The following PCK2 variants were observed in gnomAD, a reference collection of about 807,000 sequenced individuals.
The protein encoded by PCK2 is phosphoenolpyruvate carboxykinase [GTP], mitochondrial.
In PCK2, 56 loss-of-function variants were observed where a neutral mutation model predicts 65.9. That is an observed-to-expected ratio of 0.85 (90% CI 0.69 to 1.06). PCK2 has a LOEUF of 1.06. PCK2 is among the 50% of genes least tolerant of loss of function. The pLI, the probability that PCK2 is intolerant of heterozygous loss-of-function variation, is 0.00. For missense variants in PCK2, 843 were observed against 863.1 expected, an observed-to-expected ratio of 0.98 and a Z score of 0.29; for synonymous variants, 305 against 319.6, an observed-to-expected ratio of 0.95 and a Z score of 0.49.
In PCK2 at chr14:24,103,789, A is replaced by G. The variant is rs780916962; in HGVS notation, c.1748A>G (p.Asp583Gly). ...IGLVPKEGAL[D>G]LSGLRAIDTT... ...CTGGTGCCAAAGGAAGGAGCCTTGG[A>G]TCTCAGCGGCCTCAGAGCTATAGAC... Residue 583 changes from aspartate (D) to glycine (G), a missense_variant, in exon 10 of 10, where the codon GAT (aspartate) becomes GGT (glycine). Physicochemically the swap from Asp to Gly is moderately conservative, Grantham distance 94. Transcript: ENST00000216780. 1.9e-6 allele frequency: 3 copies of G among 1,614,110 alleles called. No individual in the cohort carries two copies. The highest frequency in any genetic ancestry group is 2.5e-6 in the Non-Finnish European group (3 of 1,180,010).
At chr14:24,101,495 G>A (rs1026908838) in intron 7 of PCK2, among the ~76,000 whole-genome samples, 5 of 152,232 alleles carry the variant, frequency 3.3e-5, no homozygotes, top group African/African-American at 1.2e-4. Flanking sequence ...CAGGACACCT[G>A]AAGGTGCCAA....
Position 24,099,102 on chromosome 14 carries a change from G to A in PCK2, c.718G>A (p.Val240Met), listed in dbSNP as rs759802880. Residue 240 changes from valine (V) to methionine (M), a missense_variant, in exon 5 of 10, where the codon GTG (valine) becomes ATG (methionine). Transcript: ENST00000216780. ...CNPEKTLIGHVPDQREIISFG... is the reference protein window; with the variant it reads ...CNPEKTLIGHMPDQREIISFG... Reference sequence around the variant, plus strand: ...CCCAGAGAAAACCCTGATTGGCCACGTGCCCGACCAGCGGGAGATCATCTC... The same window carrying A: ...CCCAGAGAAAACCCTGATTGGCCACATGCCCGACCAGCGGGAGATCATCTC... The A allele has an allele frequency of 3.0e-5, 49 of 1,611,530 alleles. No homozygotes were observed. The highest frequency in any genetic ancestry group is 1.6e-4 in the East Asian group (7 of 44,868).
intron 7 of PCK2, 187 bp from the exon 8 acceptor site, chr14:24,102,566 T>C: frequency 1.7e-6 from 1 of 605,522 alleles, no homozygotes; most frequent in South Asian, 2.2e-5. Flanking sequence ...CGCACCTTCA[T>C]GGCTAAACAA....
rs1417770906 is a variant in PCK2, at chr14:24,104,068, T to C, written c.*104T>C. 1.5e-5 allele frequency: 11 copies of C among 743,312 alleles called. No homozygotes were observed. Among genetic ancestry groups the C allele is most frequent in the Non-Finnish European group, 2.3e-5 (10 of 430,720 alleles). 46.0% of individuals were successfully genotyped at this position (743,312 alleles called of 1,614,324 possible). A position where few individuals can be genotyped will look rare whatever the true frequency, so the allele number is the denominator to read the frequency against. ...ATTTGATATTAACTAACATCTTCAATGTGCCATAGACCTTCCCACAAAGAC... is the reference window on the plus strand; with the variant it reads ...ATTTGATATTAACTAACATCTTCAACGTGCCATAGACCTTCCCACAAAGAC... On this transcript the variant is annotated 3_prime_UTR_variant, in exon 10 of 10. Transcript: ENST00000216780.
chr14:24,097,032 C>T lies in PCK2; in HGVS notation c.170C>T (p.Pro57Leu). Residue 57 changes from proline to leucine, a missense_variant, in exon 2 of 10, where the codon CCA (proline) becomes CTA (leucine). Transcript: ENST00000216780. ...GAGCACAGTGCCCGCCTGTGCCAAC[C>T]AGAGGGCATCCACATCTGTGATGGA... ...FVEHSARLCQ[P>L]EGIHICDGTE... 1 of 1,613,470 alleles carries T rather than the reference C, an allele frequency of 6.2e-7. No homozygotes were observed. The highest frequency in any genetic ancestry group is 8.5e-7 in the Non-Finnish European group (1 of 1,179,742).
At position 24,096,934 on chromosome 14, in the gene PCK2, C is replaced by G. The variant is rs2036911197; in HGVS notation, c.72C>G (p.Cys24Trp). The change falls in exon 2 of 10, where the codon TGC becomes TGG. Residue 24 changes from cysteine to tryptophan, a missense_variant. Coordinates refer to ENST00000216780, the MANE Select transcript of PCK2 (RefSeq NM_004563.4). ...HGLSPLGWPS[C>W]RSIQTLRVLS... ...TGAGCCCCTTGGGCTGGCCATCATG[C>G]CGTAGCATCCAGACCCTGCGAGTGC... 1 of 1,613,360 alleles carries G rather than the reference C, an allele frequency of 6.2e-7. No individual in the cohort carries two copies. Among genetic ancestry groups the G allele is most frequent in the Non-Finnish European group, 8.5e-7 (1 of 1,179,576 alleles).
Position 24,103,571 on chromosome 14 carries a change from C to CT in PCK2, c.1531dup (p.Tyr511LeufsTer28). ...CCTTTTTTGGCTACAACTTCGGGCA[C>CT]TACCTGGAACACTGGCTGAGCATGG... On this transcript the variant is annotated frameshift_variant, in exon 10 of 10. Coordinates refer to ENST00000216780, the MANE Select transcript of PCK2 (RefSeq NM_004563.4). LOFTEE classifies it high-confidence loss of function. The CT allele has an allele frequency of 6.3e-7, 1 of 1,589,638 alleles. No homozygotes were observed. Among genetic ancestry groups the CT allele is most frequent in the Non-Finnish European group, 8.6e-7 (1 of 1,165,926 alleles).
In PCK2 at chr14:24,099,188, C is replaced by T. The variant is rs140662988; in HGVS notation, c.804C>T (p.Ile268=). Reference sequence around the variant, plus strand: ...GCAAGAAGTGCTTTGCCCTACGCATCGCCTCTCGGCTGGCCCGGGATGAGG... The same window carrying T: ...GCAAGAAGTGCTTTGCCCTACGCATTGCCTCTCGGCTGGCCCGGGATGAGG... ...LLGKKCFALR[I]ASRLARDEGW... Residue 268 remains isoleucine (I), a synonymous_variant, in exon 5 of 10, where the codon ATC becomes ATT. Transcript: ENST00000216780. 11 of 1,605,668 alleles carry T rather than the reference C, an allele frequency of 6.9e-6. No individual in the cohort carries two copies. The East Asian group carries it at 1.1e-4, about 16-fold the overall frequency.
chr14:24,103,488 A>T (rs2037249269), intron 9 of PCK2, 22 bp from the exon 10 acceptor site: 2 of 1,530,266 alleles, frequency 1.3e-6, no homozygotes, highest in Non-Finnish European at 1.8e-6. Context: ...AAGATTCCTT[A>T]CCCATCTTGC....
rs760720880 is a variant in PCK2 at position 24,099,672 on chromosome 14, G to A, written c.967G>A (p.Val323Met). ...MMRPALPGWK[V>M]ECVGDDIAWM... ...GCGGCCTGCACTGCCAGGCTGGAAA[G>A]TGGAGTGTGTGGGGGATGATATTGC... Residue 323 changes from valine to methionine, a missense_variant, in exon 6 of 10, where the codon GTG (valine) becomes ATG (methionine). Val to Met is a conservative substitution (Grantham distance 21). Coordinates refer to ENST00000216780, the MANE Select transcript of PCK2 (RefSeq NM_004563.4). 14 of 1,614,190 alleles carry A rather than the reference G, an allele frequency of 8.7e-6. No individual in the cohort carries two copies. Among genetic ancestry groups the A allele is most frequent in the South Asian group, 5.5e-5 (5 of 91,084 alleles).
chr14:24,103,148 T>C lies in PCK2; in HGVS notation c.1373-12T>C, dbSNP rs376532057. ...AAAGGGCTGCCTGTGACTCTGTTCA[T>C]TGGTGATCTAGGGGTACCCCTGGTA... is the stretch of plus-strand genomic sequence containing the variant. On this transcript the variant is annotated splice_polypyrimidine_tract_variant and intron_variant, in intron 8 of 9. Coordinates refer to ENST00000216780, the MANE Select transcript of PCK2 (RefSeq NM_004563.4). 5.0e-6 allele frequency: 8 copies of C among 1,602,736 alleles called. No homozygotes were observed. The highest frequency in any genetic ancestry group is 2.7e-5 in the African/African-American group (2 of 74,692).
intron 2 of PCK2, among the ~76,000 whole-genome samples, chr14:24,097,521 G>T (rs1451447824): frequency 6.6e-6 from 1 of 150,910 alleles, no homozygotes; most frequent in African/African-American, 2.4e-5. Context: ...CCAAGATCGC[G>T]TCATTGCACT....
chr14:24,102,136 G>A (rs1407968820), intron 7 of PCK2, among the ~76,000 whole-genome samples: 5 of 152,206 alleles, frequency 3.3e-5, no homozygotes, highest in Non-Finnish European at 5.9e-5. Context: ...GCTGAGGTAG[G>A]AGAATTGTTT....
At position 24,098,664 on chromosome 14, in the gene PCK2, C is replaced by A; in HGVS notation, c.650C>A (p.Pro217His). Reference protein sequence around the residue: ...FVKCLHSVGQPLTGQGEPVSQ... With the variant: ...FVKCLHSVGQHLTGQGEPVSQ... ...AAGTGTCTGCACTCCGTGGGCCAGCCCCTGACAGGACAAGGTAAGCACCTG... is the reference window on the plus strand; with the variant it reads ...AAGTGTCTGCACTCCGTGGGCCAGCACCTGACAGGACAAGGTAAGCACCTG... The change falls in exon 4 of 10, where the codon CCC (proline) becomes CAC (histidine). Residue 217 changes from proline to histidine, a missense_variant. By Grantham distance (77) the Pro-to-His change is moderately conservative. Transcript: ENST00000216780. The A allele has an allele frequency of 1.2e-6, 2 of 1,613,726 alleles. No homozygotes were observed. Among genetic ancestry groups the A allele is most frequent in the Non-Finnish European group, 1.7e-6 (2 of 1,179,936 alleles).
chr14:24,094,318 GCTTCGCCGCGCTCCCTCCTTCCC>G lies in PCK2; in HGVS notation c.-86_-64del. 2.2e-6 allele frequency: 3 copies of G among 1,339,404 alleles called. No individual in the cohort carries two copies. Among genetic ancestry groups the G allele is most frequent in the Non-Finnish European group, 3.1e-6 (3 of 974,682 alleles). 83.0% of individuals were successfully genotyped at this position (1,339,404 alleles called of 1,614,324 possible). ...CTCCCGCCAGCCTCTGCTGTGGCTC[GCTTCGCCGCGCTCCCTCCTTCCC>G]CGCCTTCCATACCTCCCCGGCTCCG... On this transcript the variant is annotated 5_prime_UTR_variant, in exon 1 of 10. Transcript: ENST00000216780. This position sits in a 1 kb window ranked among gnomAD's most constrained non-coding sequence, Gnocchi z 4.1.
rs752247363 is a variant in PCK2 at position 24,099,233 on chromosome 14, G to GCTGGTGAGGGC, written c.852+6_852+16dup. 2.2e-5 allele frequency: 35 copies of GCTGGTGAGGGC among 1,592,024 alleles called. No homozygotes were observed. In the African/African-American group the frequency reaches 4.1e-4, roughly 19 times the overall value. ...ATGAGGGCTGGCTGGCAGAGCACATGCTGGTGAGGGCCTGGTGAGAAGCAG... is the reference window on the plus strand; with the variant it reads ...ATGAGGGCTGGCTGGCAGAGCACATGCTGGTGAGGGCCTGGTGAGGGCCTGGTGAGAAGCAG... On this transcript the variant is annotated frameshift_variant, in exon 5 of 10. Coordinates refer to ENST00000216780, the MANE Select transcript of PCK2 (RefSeq NM_004563.4). LOFTEE classifies it high-confidence loss of function.
chr14:24,097,748 C>A (rs2036959284), intron 2 of PCK2, among the ~76,000 whole-genome samples: 1 of 151,918 alleles, frequency 6.6e-6, no homozygotes, highest in African/African-American at 2.4e-5. Flanking sequence ...CATGCGCCAC[C>A]ACACCCAGCT....
rs753234641 is a variant in PCK2 at position 24,099,841 on chromosome 14, A to G, written c.1015+121A>G. Reference sequence around the variant, plus strand: ...TTTCCTGAACACCCAACCCTGCTCCATTCCTCTGGCAGCCCAGCCACCCGA... The same window carrying G: ...TTTCCTGAACACCCAACCCTGCTCCGTTCCTCTGGCAGCCCAGCCACCCGA... On this transcript the variant is annotated intron_variant, in intron 6 of 9. Transcript: ENST00000216780. 99 of 1,527,624 alleles carry G rather than the reference A, an allele frequency of 6.5e-5. No individual in the cohort carries two copies. In the Admixed American group the frequency reaches 1.3e-3, roughly 20 times the overall value. 94.6% of individuals were successfully genotyped at this position (1,527,624 alleles called of 1,614,324 possible). A position where few individuals can be genotyped will look rare whatever the true frequency, so the allele number is the denominator to read the frequency against.
intron 7 of PCK2, 119 bp from the exon 8 acceptor site, chr14:24,102,634 C>A: frequency 1.2e-6 from 1 of 811,514 alleles, no homozygotes; most frequent in Non-Finnish European, 2.0e-6. Flanking sequence ...ACACAAGGTT[C>A]TAGGCAGCTG....
Sources: allele counts gnomAD v4.1 joint callset (sites outside exome capture counted in the v4.1 genomes callset), GRCh38; gene constraint gnomAD v4.1.1; non-coding constraint Gnocchi (gnomAD v3.1); transcripts MANE v1.5; gene names NCBI Gene and HGNC (gene_info 2026-07-23, HGNC 2026-07-21).